CSMD2: variants seen among roughly 807,000 people sequenced by gnomAD.
The protein encoded by CSMD2 is CUB and Sushi multiple domains 2, also known as CUB and sushi domain-containing protein 2.
CSMD2 carries 130 observed loss-of-function variants against 398.5 expected under a neutral mutation model. That is an observed-to-expected ratio of 0.33 (90% CI 0.28 to 0.38). The LOEUF is 0.38. Ranked by LOEUF, CSMD2 falls within the 10% of genes least tolerant of loss-of-function variation. The pLI, the probability that CSMD2 is intolerant of heterozygous loss-of-function variation, is 1.00. For synonymous variants in CSMD2, 1,828 were observed against 1,908.5 expected (o/e 0.96, Z 1.10); for missense variants, 3,829 against 4,764.9 (o/e 0.80, Z 5.78).
chr1:33,640,171 A>T, intron 29 of CSMD2, among the ~76,000 whole-genome samples: 1 of 152,212 alleles, frequency 6.6e-6, no homozygotes, highest in Non-Finnish European at 1.5e-5. Context: ...GTCCTAATAG[A>T]TGAGGCTTAC....
intron 42 of CSMD2, among the ~76,000 whole-genome samples, chr1:33,604,137 G>C (rs1640420265): frequency 1.3e-5 from 2 of 152,238 alleles, no homozygotes; most frequent in Non-Finnish European, 2.9e-5. Flanking sequence ...CAAGCTAGCA[G>C]ACTGAGAAAG....
intron 15 of CSMD2, among the ~76,000 whole-genome samples, chr1:33,727,009 C>T (rs944087278): frequency 5.9e-5 from 9 of 152,156 alleles, no homozygotes. Flanking sequence ...AATTGTCAGG[C>T]CTGAGGCAGG....
chr1:33,755,847 C>A (rs142908157), intron 13 of CSMD2, among the ~76,000 whole-genome samples: 2 of 149,456 alleles, frequency 1.3e-5, no homozygotes, highest in East Asian at 1.9e-4. Flanking sequence ...TGTGTGTGTG[C>A]GGGGGGAGGG....
intron 3 of CSMD2, among the ~76,000 whole-genome samples, chr1:34,027,699 G>A (rs1007843375): frequency 5.9e-5 from 9 of 152,200 alleles, no homozygotes; most frequent in Non-Finnish European, 1.0e-4. Context: ...ACAGAAAAAC[G>A]TTGGCTTCAT....
At position 34,150,116 on chromosome 1, in the gene CSMD2, C is replaced by T. The variant is rs373827137; in HGVS notation, c.187+14795G>A. ...TTTTTTTTTGAGACAGGGTCTTGCTCTGTGACCCAGGCTAGAGTGCAGTGG... is the reference window on the plus strand; with the variant it reads ...TTTTTTTTTGAGACAGGGTCTTGCTTTGTGACCCAGGCTAGAGTGCAGTGG... On this transcript the variant is annotated intron_variant, in intron 1 of 70. Transcript: ENST00000373381. Among the ~76,000 whole-genome samples the T allele has an allele frequency of 6.2e-4, 84 of 136,234 alleles. 1 individual carries two copies. The highest frequency in any genetic ancestry group is 2.1e-3 in the African/African-American group (78 of 37,410). 89.4% of individuals were successfully genotyped at this position (136,234 alleles called of 152,430 possible).
chr1:33,888,197 T>G lies in CSMD2; in HGVS notation c.920+29897A>C, dbSNP rs572428044. Among the ~76,000 whole-genome samples, 12 of 152,304 alleles carry G rather than the reference T, an allele frequency of 7.9e-5. No individual in the cohort carries two copies. In the East Asian group the frequency reaches 2.3e-3, roughly 29 times the overall value. On this transcript the variant is annotated intron_variant, in intron 5 of 70. Transcript: ENST00000373381. ...AATTTTAATTCTCTCCAAATCAATC[T>G]ACAAATTCAGTGAAATTTCAACGAA...
intron 3 of CSMD2, among the ~76,000 whole-genome samples, chr1:33,997,274 G>T (rs1203856697): frequency 6.6e-6 from 1 of 152,220 alleles, no homozygotes; most frequent in Non-Finnish European, 1.5e-5. Flanking sequence ...CAGTGGAATG[G>T]CTCAGTGAGA....
intron 3 of CSMD2, among the ~76,000 whole-genome samples, chr1:33,976,523 C>T (rs1012665910): frequency 2.6e-5 from 4 of 152,248 alleles, no homozygotes; most frequent in South Asian, 2.1e-4. Flanking sequence ...GGGAGGTTCA[C>T]GGAATCTACT....
At chr1:33,538,315 CA>C (rs1470607951) in intron 60 of CSMD2, among the ~76,000 whole-genome samples, 1 of 152,136 alleles carries the variant, frequency 6.6e-6, no homozygotes, top group African/African-American at 2.4e-5. Flanking sequence ...CCAAAGGGTA[CA>C]CATTTACACT....
At chr1:33,724,040 G>T (rs1256671261) in intron 19 of CSMD2, among the ~76,000 whole-genome samples, 157 bp downstream of exon 19, 1 of 152,190 alleles carries the variant, frequency 6.6e-6, no homozygotes, top group Non-Finnish European at 1.5e-5. Flanking sequence ...TCAAAGGGAT[G>T]AGAAGACTCT....
Position 33,635,361 on chromosome 1 carries a change from G to A in CSMD2, c.4970-31C>T. 3 of 1,338,166 alleles carry A rather than the reference G, an allele frequency of 2.2e-6. No individual in the cohort carries two copies. The highest frequency in any genetic ancestry group is 3.2e-6 in the Non-Finnish European group (3 of 933,152). The allele number at this position is 1,338,166 out of a possible 1,614,324, so 82.9% of individuals were successfully genotyped here. A position where few individuals can be genotyped will look rare whatever the true frequency, so the allele number is the denominator to read the frequency against. ...AGAGAAACCAGATAGAGAGTCAGGTGACCTTGTGGGCCTCTTACCAGTGAC... is the reference window on the plus strand; with the variant it reads ...AGAGAAACCAGATAGAGAGTCAGGTAACCTTGTGGGCCTCTTACCAGTGAC... On this transcript the variant is annotated intron_variant, in intron 30 of 70. Transcript: ENST00000373381. This position sits in a 1 kb window ranked among gnomAD's most constrained non-coding sequence, Gnocchi z 5.0.
intron 5 of CSMD2, among the ~76,000 whole-genome samples, chr1:33,889,753 C>CTGTG (rs55771161): frequency 0.044 from 6,528 of 148,082 alleles, 329 homozygotes; most frequent in African/African-American, 0.12. Flanking sequence ...ACCTCCTATC[C>CTGTG]TGTGTGTGTG....
chr1:33,767,985 T>G (rs1038391582), intron 13 of CSMD2, among the ~76,000 whole-genome samples: 22 of 152,224 alleles, frequency 1.4e-4, no homozygotes, highest in African/African-American at 5.3e-4. Flanking sequence ...CAGCCTATTA[T>G]TTAGTGGTTC....
intron 12 of CSMD2, 52 bp from the exon 13 acceptor site, chr1:33,772,803 T>C (rs758528691): frequency 1.3e-6 from 2 of 1,508,326 alleles, no homozygotes; most frequent in South Asian, 1.2e-5. Flanking sequence ...TTTATACCTC[T>C]TTTGGAGCTG....
intron 1 of CSMD2, among the ~76,000 whole-genome samples, chr1:34,121,688 A>G (rs1042754254): frequency 1.3e-5 from 2 of 152,254 alleles, no homozygotes; most frequent in Middle Eastern, 3.4e-3. Flanking sequence ...CAGTGTCCCA[A>G]TTAAATTAAA....
intron 3 of CSMD2, among the ~76,000 whole-genome samples, chr1:33,976,529 C>T (rs1645971987): frequency 6.6e-6 from 1 of 152,148 alleles, no homozygotes; most frequent in Non-Finnish European, 1.5e-5. Flanking sequence ...TTCACGGAAT[C>T]TACTCCAGCT....
In CSMD2 at chr1:33,541,276, T is replaced by C. The variant is rs774811139; in HGVS notation, c.9311A>G (p.Asn3104Ser). Reference sequence around the variant, plus strand: ...GAAGTCATTGCCCAGCCGAAGGCCATTGGCTGGAATCCCAGGGTCACCACA... The same window carrying C: ...GAAGTCATTGCCCAGCCGAAGGCCACTGGCTGGAATCCCAGGGTCACCACA... ...INCGDPGIPA[N>S]GLRLGNDFRY... is the part of the protein sequence containing the mutation. The change falls in exon 59 of 71, where the codon AAT becomes AGT. Residue 3104 changes from asparagine to serine, a missense_variant. By Grantham distance (46) the Asn-to-Ser change is conservative (BLOSUM62 1). Transcript: ENST00000373381. 1.9e-6 allele frequency: 3 copies of C among 1,613,956 alleles called. No homozygotes were observed. The highest frequency in any genetic ancestry group is 2.5e-6 in the Non-Finnish European group (3 of 1,180,006).
chr1:33,549,195 A>G (rs1308920566), intron 56 of CSMD2, among the ~76,000 whole-genome samples: 1 of 152,192 alleles, frequency 6.6e-6, no homozygotes, highest in Non-Finnish European at 1.5e-5. Flanking sequence ...GGCACATCTT[A>G]TGGGTAAGGT....
At chr1:33,717,432 CA>C (rs1231921931) in intron 19 of CSMD2, among the ~76,000 whole-genome samples, 1 of 151,814 alleles carries the variant, frequency 6.6e-6, no homozygotes, top group African/African-American at 2.4e-5. Flanking sequence ...GTAGGGTAGC[CA>C]AGACAGCAGG....
Sources: gnomAD v4.1 joint callset for allele counts (sites outside exome capture counted in the v4.1 genomes callset) on GRCh38, gnomAD v4.1.1 for gene constraint, Gnocchi (gnomAD v3.1) non-coding constraint, MANE v1.5 for transcripts, NCBI Gene and HGNC (gene_info 2026-07-23, HGNC 2026-07-21) for gene names.